Variants in GRIK2 observed in about 807,000 individuals in gnomAD.
The protein encoded by GRIK2 is glutamate receptor ionotropic, kainate 2.
In GRIK2, 32 loss-of-function variants were observed where a neutral mutation model predicts 100.3. That is an observed-to-expected ratio of 0.32 (90% CI 0.24 to 0.43). The LOEUF (loss-of-function observed/expected upper bound fraction) is 0.43. GRIK2 is among the 20% of genes least tolerant of loss of function. The pLI is 1.00. For missense variants in GRIK2, 843 were observed against 1,114.9 expected, an observed-to-expected ratio of 0.76 and a Z score of 3.47; for synonymous variants, 417 against 389.4, an observed-to-expected ratio of 1.07 and a Z score of -0.83.
intron 4 of GRIK2, among the ~76,000 whole-genome samples, chr6:101,672,536 T>A (rs1170869462): frequency 6.6e-6 from 1 of 152,146 alleles, no homozygotes; most frequent in Non-Finnish European, 1.5e-5. Context: ...ATCACTACTA[T>A]CTTCTAACGA....
chr6:101,784,743 C>T (rs577838626), intron 7 of GRIK2, among the ~76,000 whole-genome samples: 1 of 152,152 alleles, frequency 6.6e-6, no homozygotes, highest in Non-Finnish European at 1.5e-5. Flanking sequence ...CTCTCTCTCT[C>T]CTGCTACCAT....
At chr6:101,636,504 AAAAG>A (rs2128322482) in intron 4 of GRIK2, among the ~76,000 whole-genome samples, 1 of 150,236 alleles carries the variant, frequency 6.7e-6, no homozygotes, top group Admixed American at 6.6e-5. Flanking sequence ...TATAATAAAA[AAAAG>A]AAAAGAAAAT....
At chr6:101,826,233 A>G (rs1446481427) in intron 10 of GRIK2, among the ~76,000 whole-genome samples, 1 of 152,078 alleles carries the variant, frequency 6.6e-6, no homozygotes, top group Non-Finnish European at 1.5e-5. Context: ...CATGGGTACT[A>G]CTGAATGGGT....
intron 2 of GRIK2, among the ~76,000 whole-genome samples, chr6:101,480,223 C>T (rs1317148327): frequency 2.0e-5 from 3 of 152,130 alleles, no homozygotes; most frequent in East Asian, 3.9e-4. Context: ...GCTCACAAAT[C>T]GACCATTTAC....
At chr6:101,508,894 G>A (rs1381814850) in intron 2 of GRIK2, among the ~76,000 whole-genome samples, 1 of 152,056 alleles carries the variant, frequency 6.6e-6, no homozygotes, top group African/African-American at 2.4e-5. Flanking sequence ...GGTGGCTCAC[G>A]CCTGTAATCT....
At chr6:101,623,678 A>T (rs1780288857) in intron 3 of GRIK2, among the ~76,000 whole-genome samples, 1 of 152,180 alleles carries the variant, frequency 6.6e-6, no homozygotes, top group Non-Finnish European at 1.5e-5. Context: ...GAATTGATAA[A>T]GTCATGTGGT....
chr6:102,037,685 T>C (rs140216676), intron 15 of GRIK2, among the ~76,000 whole-genome samples: 1 of 151,322 alleles, frequency 6.6e-6, no homozygotes, highest in Non-Finnish European at 1.5e-5. Flanking sequence ...CTGAGAAACA[T>C]TTTTTTACTT....
chr6:101,516,599 T>A (rs1774597477), intron 2 of GRIK2, among the ~76,000 whole-genome samples: 1 of 152,096 alleles, frequency 6.6e-6, no homozygotes, highest in African/African-American at 2.4e-5. Context: ...AAAATATGGA[T>A]TAAGGACTTA....
rs1778107332 is a variant in GRIK2 at position 101,767,436 on chromosome 6, ATATACT to A, written c.952-32209_952-32204del. On this transcript the variant is annotated intron_variant, in intron 7 of 16. Transcript: ENST00000369134. ...GTATTTATGGAGATAGATGGATAAG[ATATACT>A]TAATATGACAGTCATAAGCTATATT... Among the ~76,000 whole-genome samples, 4 of 152,290 alleles carry A rather than the reference ATATACT, an allele frequency of 2.6e-5. No homozygotes were observed. The South Asian group carries it at 8.3e-4, about 32-fold the overall frequency.
intron 7 of GRIK2, among the ~76,000 whole-genome samples, chr6:101,734,899 G>A (rs1350503980): frequency 6.6e-6 from 1 of 152,164 alleles, no homozygotes; most frequent in East Asian, 1.9e-4. Context: ...TCTTCATGGA[G>A]AAGAAAGTGG....
At chr6:101,984,420 C>CCAT (rs889800314) in intron 14 of GRIK2, among the ~76,000 whole-genome samples, 3 of 151,450 alleles carry the variant, frequency 2.0e-5, no homozygotes, top group African/African-American at 7.3e-5. Context: ...CTCAAAAAAT[C>CCAT]CATCTTTATT....
chr6:101,564,502 G>T (rs972872102), intron 2 of GRIK2, among the ~76,000 whole-genome samples: 4 of 152,124 alleles, frequency 2.6e-5, no homozygotes, highest in African/African-American at 9.7e-5. Flanking sequence ...AATTCAAGTT[G>T]CTCACTGTGC....
chr6:101,774,720 T>A (rs1225509049), intron 7 of GRIK2, among the ~76,000 whole-genome samples: 2 of 152,168 alleles, frequency 1.3e-5, no homozygotes, highest in Non-Finnish European at 1.5e-5. Flanking sequence ...ATTTAAAAAG[T>A]GAAGAGTTTC....
chr6:102,033,313 T>C (rs1770096305), intron 14 of GRIK2, among the ~76,000 whole-genome samples: 1 of 151,232 alleles, frequency 6.6e-6, no homozygotes, highest in African/African-American at 2.4e-5. Flanking sequence ...GTCTCAACAG[T>C]GGTTATGGAT....
chr6:101,984,440 G>A (rs17062729), intron 14 of GRIK2, among the ~76,000 whole-genome samples: 8 of 151,340 alleles, frequency 5.3e-5, no homozygotes, highest in Admixed American at 2.6e-4. Context: ...TAGCATCCCC[G>A]TTGACTGGAA....
At chr6:102,008,362 G>A (rs1341940734) in intron 14 of GRIK2, among the ~76,000 whole-genome samples, 2 of 152,038 alleles carry the variant, frequency 1.3e-5, no homozygotes, top group Admixed American at 6.6e-5. Flanking sequence ...TACAAGATAG[G>A]CATAAGCTGT....
chr6:101,874,937 A>C (rs1341490296), intron 11 of GRIK2, among the ~76,000 whole-genome samples: 2 of 152,084 alleles, frequency 1.3e-5, no homozygotes. Context: ...TGATTTTTGC[A>C]CATTGATTTT....
rs989554915 is a variant in GRIK2 at position 101,749,803 on chromosome 6, C to CTTTTTT, written c.952-49827_952-49822dup. Among the ~76,000 whole-genome samples, 529 of 92,428 alleles carry CTTTTTT rather than the reference C, an allele frequency of 5.7e-3. 13 individuals carry two copies. Among genetic ancestry groups the CTTTTTT allele is most frequent in the African/African-American group, 0.012 (261 of 22,462 alleles). 60.6% of individuals were successfully genotyped at this position (92,428 alleles called of 152,430 possible). On this transcript the variant is annotated intron_variant, in intron 7 of 16. Coordinates refer to ENST00000369134, the MANE Select transcript of GRIK2 (RefSeq NM_021956.5). Reference sequence around the variant, plus strand: ...ACTGAAAACTTGTGTGTGCCAGTTTCTTTTTTTTTTTTTTTTTTTTTTTGT... The same window carrying CTTTTTT: ...ACTGAAAACTTGTGTGTGCCAGTTTCTTTTTTTTTTTTTTTTTTTTTTTTTTTTTGT...
At chr6:101,582,651 C>T (rs1411848607) in intron 2 of GRIK2, among the ~76,000 whole-genome samples, 1 of 152,014 alleles carries the variant, frequency 6.6e-6, no homozygotes, top group African/African-American at 2.4e-5. Context: ...AAAAGTACAA[C>T]ATAAGGAAAT....
Sources: gnomAD v4.1 joint callset for allele counts (sites outside exome capture counted in the v4.1 genomes callset) on GRCh38, gnomAD v4.1.1 for gene constraint, MANE v1.5 for transcripts, NCBI Gene and HGNC (gene_info 2026-07-23, HGNC 2026-07-21) for gene names.